SNIP1: variants seen among roughly 807,000 people sequenced by gnomAD.
SNIP1 encodes Smad nuclear interacting protein 1.
In SNIP1, 23 loss-of-function variants were observed where a neutral mutation model predicts 37.4. The observed-to-expected ratio is 0.61, with a 90% CI of 0.44 to 0.87. The LOEUF (loss-of-function observed/expected upper bound fraction) is 0.87. Among genes scored for constraint, SNIP1 ranks in the 40% least tolerant of loss-of-function variants. The pLI is 0.00. For synonymous variants in SNIP1, 174 were observed against 200.0 expected, an observed-to-expected ratio of 0.87 and a Z score of 1.10; for missense variants, 459 against 540.4, an observed-to-expected ratio of 0.85 and a Z score of 1.49.
intron 3 of SNIP1, among the ~76,000 whole-genome samples, chr1:37,538,440 C>G (rs1643125620): frequency 7.2e-6 from 1 of 139,412 alleles, no homozygotes; most frequent in Non-Finnish European, 1.5e-5. Flanking sequence ...ACCCAGGAGG[C>G]AGAGGTTGCA....
chr1:37,553,149 C>T lies in SNIP1; in HGVS notation c.225-402G>A, dbSNP rs116480425. ...ACTTCCTCCCTGTGCCATCTCATTC[C>T]TACCACCCACCTTCTTGACCACTAT... On this transcript the variant is annotated intron_variant, in intron 1 of 3. Coordinates refer to ENST00000296215, the MANE Select transcript of SNIP1 (RefSeq NM_024700.4). Among the ~76,000 whole-genome samples, 757 of 152,268 alleles carry T rather than the reference C, an allele frequency of 5.0e-3. 7 individuals are homozygous for T. The highest frequency in any genetic ancestry group is 0.017 in the African/African-American group (726 of 41,546).
At chr1:37,551,269 C>CAAAAAAA (rs56350752) in intron 2 of SNIP1, among the ~76,000 whole-genome samples, 1 of 108,332 alleles carries the variant, frequency 9.2e-6, no homozygotes, top group Non-Finnish European at 1.9e-5. Context: ...GACTCTGTCT[C>CAAAAAAA]AAAAAAAAAA....
At chr1:37,546,145 A>C (rs1447314994) in intron 2 of SNIP1, among the ~76,000 whole-genome samples, 60 of 124,908 alleles carry the variant, frequency 4.8e-4, no homozygotes, top group African/African-American at 1.3e-3. Context: ...TGGGACTAAG[A>C]CCCCCCCCCC....
intron 2 of SNIP1, among the ~76,000 whole-genome samples, chr1:37,550,798 A>G (rs1426607252): frequency 6.6e-6 from 1 of 152,118 alleles, no homozygotes; most frequent in Non-Finnish European, 1.5e-5. Flanking sequence ...AAATAAGCAC[A>G]TGAAAAGACG....
At chr1:37,543,417 G>A (rs976538238) in intron 2 of SNIP1, among the ~76,000 whole-genome samples, 1 of 151,734 alleles carries the variant, frequency 6.6e-6, no homozygotes, top group Non-Finnish European at 1.5e-5. Flanking sequence ...AAAAAAAACT[G>A]GAAACAACCT....
Position 37,552,664 on chromosome 1 carries a change from G to C in SNIP1, c.308C>G (p.Ser103Ter). The change falls in exon 2 of 4, where the codon TCA (serine) becomes TGA (stop). Residue 103 changes from serine to a stop codon, truncating the protein, a stop_gained. Transcript: ENST00000296215. LOFTEE classifies it high-confidence loss of function. ...ACTTACCTGCTTCACTTTGACTGTTGAGTGGTGAGGACTTCGGTTTCTCTT... is the reference window on the plus strand; with the variant it reads ...ACTTACCTGCTTCACTTTGACTGTTCAGTGGTGAGGACTTCGGTTTCTCTT... ...RSKRNRSPHH[S>*]TVKVKQERED... The C allele has an allele frequency of 1.2e-6, 2 of 1,614,110 alleles. No homozygotes were observed. Among genetic ancestry groups the C allele is most frequent in the Non-Finnish European group, 1.7e-6 (2 of 1,179,966 alleles).
At chr1:37,544,819 G>C in intron 2 of SNIP1, 1 of 761,850 alleles carries the variant, frequency 1.3e-6, no homozygotes, top group Non-Finnish European at 2.4e-6. Context: ...TCAACCGCCA[G>C]ATCAACGTGG....
chr1:37,549,452 T>C (rs565985182), intron 2 of SNIP1, among the ~76,000 whole-genome samples: 1 of 152,314 alleles, frequency 6.6e-6, no homozygotes, highest in South Asian at 2.1e-4. Flanking sequence ...TCGCCCAGGC[T>C]GGAGTGCAGT....
At chr1:37,545,255 TTTC>T (rs1643219389) in intron 2 of SNIP1, 2 of 646,966 alleles carry the variant, frequency 3.1e-6, no homozygotes, top group South Asian at 2.7e-5. Flanking sequence ...TGGCAGAATA[TTTC>T]TCTGACAAGC....
chr1:37,543,489 G>A (rs1350723056), intron 2 of SNIP1, among the ~76,000 whole-genome samples: 1 of 151,898 alleles, frequency 6.6e-6, no homozygotes, highest in Non-Finnish European at 1.5e-5. Context: ...ATACTTCACA[G>A]CCATGAAAAA....
chr1:37,540,801 A>G lies in SNIP1; in HGVS notation c.328-46T>C. On this transcript the variant is annotated intron_variant, in intron 2 of 3. Transcript: ENST00000296215. This position sits in a 1 kb window ranked among gnomAD's most constrained non-coding sequence, Gnocchi z 5.6. Reference sequence around the variant, plus strand: ...GTAATTTAAACGCAGTGCACAATCTAAAGGCAGCCCAAATCTTGTTCTTTT... The same window carrying G: ...GTAATTTAAACGCAGTGCACAATCTGAAGGCAGCCCAAATCTTGTTCTTTT... 6.7e-7 allele frequency: 1 copy of G among 1,496,232 alleles called. No individual in the cohort carries two copies. The highest frequency in any genetic ancestry group is 8.9e-7 in the Non-Finnish European group (1 of 1,121,076). The allele number at this position is 1,496,232 out of a possible 1,614,324, so 92.7% of individuals were successfully genotyped here. A position where few individuals can be genotyped will look rare whatever the true frequency, so the allele number is the denominator to read the frequency against.
chr1:37,542,710 A>C (rs565091133), intron 2 of SNIP1, among the ~76,000 whole-genome samples: 9 of 152,308 alleles, frequency 5.9e-5, no homozygotes, highest in African/African-American at 2.2e-4. Flanking sequence ...ACTGCACTAC[A>C]GCCTGGATGA....
chr1:37,551,343 A>C (rs1390389807), intron 2 of SNIP1, among the ~76,000 whole-genome samples: 1 of 152,172 alleles, frequency 6.6e-6, no homozygotes, highest in Non-Finnish European at 1.5e-5. Flanking sequence ...AGAATGGCTA[A>C]AATAAAGTGA....
chr1:37,536,200 G>A lies in SNIP1; in HGVS notation c.*1548C>T, dbSNP rs1643092132. ...ACTTCTTCTGAATGAACATTAGTCA[G>A]CTGCCCCTCCCACTAGCCAATCTTT... is the stretch of plus-strand genomic sequence containing the variant. On this transcript the variant is annotated 3_prime_UTR_variant, in exon 4 of 4. Coordinates refer to ENST00000296215, the MANE Select transcript of SNIP1 (RefSeq NM_024700.4). The A allele has an allele frequency of 6.6e-6, 1 of 152,174 alleles. No homozygotes were observed. The highest frequency in any genetic ancestry group is 1.5e-5 in the Non-Finnish European group (1 of 68,028). 9.4% of individuals were successfully genotyped at this position (152,174 alleles called of 1,614,324 possible). A position where few individuals can be genotyped will look rare whatever the true frequency, so the allele number is the denominator to read the frequency against.
In SNIP1 at chr1:37,554,250, A is replaced by G; in HGVS notation, c.-21T>C. 1 of 1,579,216 alleles carries G rather than the reference A, an allele frequency of 6.3e-7. No individual in the cohort carries two copies. ...TTCATTCTGTGATTTTGGCTGGGCGAAAGAAAACAGATCAGTTGAGCTCCT... is the reference window on the plus strand; with the variant it reads ...TTCATTCTGTGATTTTGGCTGGGCGGAAGAAAACAGATCAGTTGAGCTCCT... On this transcript the variant is annotated 5_prime_UTR_variant, in exon 1 of 4. Coordinates refer to ENST00000296215, the MANE Select transcript of SNIP1 (RefSeq NM_024700.4).
At position 37,536,649 on chromosome 1, in the gene SNIP1, A is replaced by G. The variant is rs1643098595; in HGVS notation, c.*1099T>C. On this transcript the variant is annotated 3_prime_UTR_variant, in exon 4 of 4. Coordinates refer to ENST00000296215, the MANE Select transcript of SNIP1 (RefSeq NM_024700.4). Reference sequence around the variant, plus strand: ...ACATTGTCATATGAAAATCAGTATCAGCTCTTTAACACACAATTTACATAT... The same window carrying G: ...ACATTGTCATATGAAAATCAGTATCGGCTCTTTAACACACAATTTACATAT... The G allele has an allele frequency of 6.6e-6, 1 of 152,582 alleles. No homozygotes were observed. Among genetic ancestry groups the G allele is most frequent in the African/African-American group, 2.4e-5 (1 of 41,460 alleles). 9.5% of individuals were successfully genotyped at this position (152,582 alleles called of 1,614,324 possible). A position where few individuals can be genotyped will look rare whatever the true frequency, so the allele number is the denominator to read the frequency against.
chr1:37,547,723 C>T (rs1643257182), intron 2 of SNIP1, among the ~76,000 whole-genome samples: 2 of 149,944 alleles, frequency 1.3e-5, no homozygotes, highest in South Asian at 2.1e-4. Context: ...AACAGAGCAA[C>T]ACTTCACCAA....
chr1:37,552,862 C>T, intron 1 of SNIP1, 115 bp from the exon 2 acceptor site: 1 of 831,336 alleles, frequency 1.2e-6, no homozygotes, highest in East Asian at 2.4e-5. Context: ...AAGGTCTCTG[C>T]CGGTCACATT....
At chr1:37,544,446 C>CAAAAAAAA (rs11374263) in intron 2 of SNIP1, among the ~76,000 whole-genome samples, 3 of 94,112 alleles carry the variant, frequency 3.2e-5, no homozygotes, top group African/African-American at 4.6e-5. Context: ...GACTCTGTCT[C>CAAAAAAAA]AAAAAAAAAA....
Sources: gnomAD v4.1 joint callset for allele counts (sites outside exome capture counted in the v4.1 genomes callset) on GRCh38, gnomAD v4.1.1 for gene constraint, Gnocchi (gnomAD v3.1) non-coding constraint, MANE v1.5 for transcripts, NCBI Gene and HGNC (gene_info 2026-07-23, HGNC 2026-07-21) for gene names.